VPS13D: variants seen among roughly 807,000 people sequenced by gnomAD.
The protein encoded by VPS13D is vacuolar protein sorting 13 homolog D.
VPS13D carries 187 observed loss-of-function variants against 461.9 expected under a neutral mutation model. The observed-to-expected ratio is 0.40, with a 90% CI of 0.36 to 0.46. The LOEUF (loss-of-function observed/expected upper bound fraction) is 0.46. Among genes scored for constraint, VPS13D ranks in the 20% least tolerant of loss-of-function variants. The pLI is 0.60. For missense variants in VPS13D, 4,711 were observed against 5,364.9 expected (o/e 0.88, Z 3.81); for synonymous variants, 1,951 against 1,986.3 (o/e 0.98, Z 0.47).
rs745375955 is a variant in VPS13D at position 12,435,854 on chromosome 1, C to T, written c.12333+19027C>T. ...GTGCTACCCTGTGTTGTATAATTAG[C>T]TCTTTTGTAGATGCTGTACCATCCA... On this transcript the variant is annotated intron_variant, in intron 65 of 69. Coordinates refer to ENST00000620676, the MANE Select transcript of VPS13D (RefSeq NM_015378.4). 1.7e-4 allele frequency among the ~76,000 whole-genome samples: 26 copies of T among 152,120 alleles called. 1 individual carries two copies. The highest frequency in any genetic ancestry group is 1.0e-3 in the Admixed American group (16 of 15,268).
intron 65 of VPS13D, among the ~76,000 whole-genome samples, chr1:12,435,079 T>G (rs1645042870): frequency 6.6e-6 from 1 of 152,234 alleles, no homozygotes; most frequent in African/African-American, 2.4e-5. Flanking sequence ...GTGTTTAAAA[T>G]GTTAATTACA....
At chr1:12,325,100 A>G (rs771647521) in intron 35 of VPS13D, among the ~76,000 whole-genome samples, 15 of 152,024 alleles carry the variant, frequency 9.9e-5, no homozygotes, top group Non-Finnish European at 1.9e-4. Context: ...CCCCTTTTTT[A>G]AAAGACAGGG....
intron 10 of VPS13D, among the ~76,000 whole-genome samples, chr1:12,259,119 C>A (rs74531539): frequency 0.03 from 4,582 of 151,590 alleles, 133 homozygotes; most frequent in African/African-American, 0.068. Flanking sequence ...ATGGTCACTG[C>A]AACCTCCGTC....
rs937064965 is a variant in VPS13D at position 12,497,750 on chromosome 1, C to G, written c.12794+119C>G. 55 of 1,243,370 alleles carry G rather than the reference C, an allele frequency of 4.4e-5. 1 individual carries two copies. The South Asian group carries it at 7.9e-4, about 18-fold the overall frequency. 77.0% of individuals were successfully genotyped at this position (1,243,370 alleles called of 1,614,324 possible). Reference sequence around the variant, plus strand: ...ATGACTCTTGGACCTTAGATCTGGTCAAAGAATTCCTTGCCCCAAATGTTT... The same window carrying G: ...ATGACTCTTGGACCTTAGATCTGGTGAAAGAATTCCTTGCCCCAAATGTTT... On this transcript the variant is annotated intron_variant, in intron 68 of 69. Coordinates refer to ENST00000620676, the MANE Select transcript of VPS13D (RefSeq NM_015378.4).
chr1:12,262,076 T>C lies in VPS13D; in HGVS notation c.1590T>C (p.Phe530=). 6.2e-7 allele frequency: 1 copy of C among 1,608,904 alleles called. No individual in the cohort carries two copies. The highest frequency in any genetic ancestry group is 1.3e-5 in the African/African-American group (1 of 74,958). The part of the protein sequence containing the change: ...MNESAFMQLE[F]SDVKLLAESL... ...AAAGTGCTTTCATGCAGCTCGAGTTTTCAGGTACACTGCCCCCAAGAAACT... is the reference window on the plus strand; with the variant it reads ...AAAGTGCTTTCATGCAGCTCGAGTTCTCAGGTACACTGCCCCCAAGAAACT... The change falls in exon 13 of 70, where the codon TTT becomes TTC. Residue 530 remains phenylalanine, a synonymous_variant. Transcript: ENST00000620676.
chr1:12,496,556 G>A (rs1257343879), intron 67 of VPS13D, among the ~76,000 whole-genome samples: 1 of 152,242 alleles, frequency 6.6e-6, no homozygotes, highest in East Asian at 1.9e-4. Flanking sequence ...TGTCTAGAGA[G>A]GAGTGTTTTG....
rs189288943 is a variant in VPS13D at position 12,496,704 on chromosome 1, C to T, written c.12663-796C>T. Among the ~76,000 whole-genome samples, 249 of 152,328 alleles carry T rather than the reference C, an allele frequency of 1.6e-3. 3 individuals are homozygous for T. The highest frequency in any genetic ancestry group is 2.4e-3 in the Non-Finnish European group (160 of 68,026). ...TGCACTCCTGTTTCTAGGAAAACAC[C>T]AGAAAGTACTTACCAATTACCCTGT... On this transcript the variant is annotated intron_variant, in intron 67 of 69. Coordinates refer to ENST00000620676, the MANE Select transcript of VPS13D (RefSeq NM_015378.4).
Position 12,335,688 on chromosome 1 carries a change from T to C in VPS13D, c.8429-17T>C, listed in dbSNP as rs770245358. On this transcript the variant is annotated splice_polypyrimidine_tract_variant and intron_variant, in intron 38 of 69. Coordinates refer to ENST00000620676, the MANE Select transcript of VPS13D (RefSeq NM_015378.4). ...TCTTTTTTAGTTCTCTTAATATCTCTGGGGGATTCTTTCTAGACCAGTATG... is the reference window on the plus strand; with the variant it reads ...TCTTTTTTAGTTCTCTTAATATCTCCGGGGGATTCTTTCTAGACCAGTATG... The C allele has an allele frequency of 6.3e-7, 1 of 1,598,762 alleles. No homozygotes were observed. The highest frequency in any genetic ancestry group is 8.5e-7 in the Non-Finnish European group (1 of 1,172,114).
intron 22 of VPS13D, 102 bp downstream of exon 22, chr1:12,288,415 G>A: frequency 3.9e-6 from 4 of 1,028,186 alleles, no homozygotes; most frequent in Non-Finnish European, 6.0e-6. Flanking sequence ...GTAAGGTGTG[G>A]CAGTGGCTTG....
At chr1:12,250,577 TA>T (rs1409236014) in intron 6 of VPS13D, among the ~76,000 whole-genome samples, 1 of 152,246 alleles carries the variant, frequency 6.6e-6, no homozygotes, top group Non-Finnish European at 1.5e-5. Flanking sequence ...TTACTGAATG[TA>T]AAAACCAACA....
rs1322688791 is a variant in VPS13D, at chr1:12,502,076, C to T, written c.12794+4445C>T. ...TGAAGGCTGACCTTAGTGGTCATGC[C>T]GAGGAGCTTGCCTCTCCTGTAGGTG... On this transcript the variant is annotated intron_variant, in intron 68 of 69. Coordinates refer to ENST00000620676, the MANE Select transcript of VPS13D (RefSeq NM_015378.4). The surrounding 1 kb of genome is among the most constrained non-coding windows in gnomAD (Gnocchi z 4.3). Among the ~76,000 whole-genome samples, 2 of 152,076 alleles carry T rather than the reference C, an allele frequency of 1.3e-5. No homozygotes were observed. The highest frequency in any genetic ancestry group is 6.5e-5 in the Admixed American group (1 of 15,268).
At chr1:12,247,797 G>T (rs757088532) in intron 5 of VPS13D, among the ~76,000 whole-genome samples, 1 of 150,642 alleles carries the variant, frequency 6.6e-6, no homozygotes, top group Non-Finnish European at 1.5e-5. Context: ...TCCGCCTCCC[G>T]GATTCAAGCG....
intron 16 of VPS13D, among the ~76,000 whole-genome samples, chr1:12,269,117 A>T (rs1355409825): frequency 6.6e-6 from 1 of 151,854 alleles, no homozygotes; most frequent in Non-Finnish European, 1.5e-5. Flanking sequence ...TTTAGCGTGT[A>T]TTTTTTCATA....
At chr1:12,317,984 C>T (rs1557705637) in intron 30 of VPS13D, 88 bp from the exon 31 acceptor site, 3 of 1,388,910 alleles carry the variant, frequency 2.2e-6, no homozygotes, top group East Asian at 2.3e-5. Flanking sequence ...GGAATACCAC[C>T]TGCCAAAACT....
At chr1:12,469,966 C>T (rs1645541494) in intron 67 of VPS13D, among the ~76,000 whole-genome samples, 1 of 152,184 alleles carries the variant, frequency 6.6e-6, no homozygotes, top group African/African-American at 2.4e-5. Context: ...GCCAAAACCT[C>T]AACTTTCTCC....
intron 24 of VPS13D, among the ~76,000 whole-genome samples, chr1:12,297,206 A>T (rs541526881): frequency 6.6e-6 from 1 of 152,312 alleles, no homozygotes; most frequent in African/African-American, 2.4e-5. Context: ...TTTTATTCCT[A>T]CATTTTCTGA....
At chr1:12,428,033 G>C (rs1413154526) in intron 65 of VPS13D, among the ~76,000 whole-genome samples, 1 of 152,220 alleles carries the variant, frequency 6.6e-6, no homozygotes, top group Non-Finnish European at 1.5e-5. Flanking sequence ...AATAATTCTT[G>C]TAGCAGTTTT....
Position 12,276,886 on chromosome 1 carries a change from C to A in VPS13D, c.3298C>A (p.Leu1100Ile). ...ECPSMNLDST[L>I]QVISLQVNNL... is the part of the protein sequence containing the mutation. ...CCCATCGATGAATTTAGACAGTACT[C>A]TTCAGGTGATTTCCCTACAGGTGAA... Residue 1100 changes from leucine (L) to isoleucine (I), a missense_variant, in exon 19 of 70, where the codon CTT becomes ATT. Physicochemically the swap from Leu to Ile is conservative, Grantham distance 5. This residue lies in a region of VPS13D where 4,411 missense variants were observed against 4,937.8 expected (regional missense o/e 0.89). Coordinates refer to ENST00000620676, the MANE Select transcript of VPS13D (RefSeq NM_015378.4). The surrounding 1 kb of genome is among the most constrained non-coding windows in gnomAD (Gnocchi z 4.5). 6.2e-7 allele frequency: 1 copy of A among 1,614,178 alleles called. No individual in the cohort carries two copies.
intron 24 of VPS13D, among the ~76,000 whole-genome samples, chr1:12,294,596 C>T (rs1336427891): frequency 6.6e-6 from 1 of 151,946 alleles, no homozygotes; most frequent in African/African-American, 2.4e-5. Flanking sequence ...GGGCAGATCA[C>T]GAGGTCCAGA....
Sources: allele counts gnomAD v4.1 joint callset (sites outside exome capture counted in the v4.1 genomes callset), GRCh38; gene constraint gnomAD v4.1.1; regional missense constraint gnomAD v4.1.1; non-coding constraint Gnocchi (gnomAD v3.1); transcripts MANE v1.5; gene names NCBI Gene and HGNC (gene_info 2026-07-23, HGNC 2026-07-21).